The following VWA5A variants were observed in gnomAD, a reference collection of about 807,000 sequenced individuals.
VWA5A encodes von Willebrand factor A domain-containing protein 5A.
A neutral mutation model predicts 84.6 loss-of-function variants in VWA5A; 77 were observed. The observed-to-expected ratio is 0.91, with a 90% CI of 0.76 to 1.10. The LOEUF is 1.10. VWA5A is among the 50% of genes least tolerant of loss of function. VWA5A has a pLI of 0.00. For missense variants in VWA5A, 973 were observed against 963.0 expected, an observed-to-expected ratio of 1.01 and a Z score of -0.14; for synonymous variants, 334 against 350.1, an observed-to-expected ratio of 0.95 and a Z score of 0.51.
rs573492720 is a variant in VWA5A at position 124,126,411 on chromosome 11, G to T, written c.1244+2095G>T. On this transcript the variant is annotated intron_variant, in intron 11 of 18. Transcript: ENST00000456829. The stretch of plus-strand genomic sequence containing the variant: ...TTGGTCTTTTCTGATTTCTCGAAGT[G>T]TTTGTTTCCAACATTTTATTAAGAA... Among the ~76,000 whole-genome samples the T allele has an allele frequency of 2.6e-5, 4 of 152,256 alleles. No homozygotes were observed. The East Asian group carries it at 5.8e-4, about 22-fold the overall frequency.
intron 7 of VWA5A, among the ~76,000 whole-genome samples, chr11:124,120,375 C>T (rs1864912483): frequency 6.6e-6 from 1 of 152,176 alleles, no homozygotes; most frequent in African/African-American, 2.4e-5. Context: ...GAAGCATTTA[C>T]ACATGGTGGA....
At chr11:124,145,746 A>G in intron 18 of VWA5A, 120 bp from the exon 19 acceptor site, 1 of 1,049,598 alleles carries the variant, frequency 9.5e-7, no homozygotes, top group Non-Finnish European at 1.3e-6. Flanking sequence ...TAGCAAGAAA[A>G]GAAAAAGCAG....
chr11:124,145,767 G>C, intron 18 of VWA5A, 99 bp from the exon 19 acceptor site: 1 of 1,231,206 alleles, frequency 8.1e-7, no homozygotes, highest in Non-Finnish European at 1.1e-6. Context: ...GGATATTGAG[G>C]ACAGATAAAA....
chr11:124,121,391 A>G (rs550242544), intron 7 of VWA5A, among the ~76,000 whole-genome samples: 1 of 152,304 alleles, frequency 6.6e-6, no homozygotes, highest in African/African-American at 2.4e-5. Flanking sequence ...TGTTCAACTC[A>G]TGGTCTGTGG....
intron 17 of VWA5A, among the ~76,000 whole-genome samples, chr11:124,142,782 G>T (rs560954972): frequency 7.2e-5 from 11 of 151,876 alleles, no homozygotes; most frequent in South Asian, 4.2e-4. Context: ...AATTGATGGG[G>T]TTTTTTTTGC....
chr11:124,118,950 G>A, intron 6 of VWA5A, 25 bp from the exon 7 acceptor site: 1 of 1,608,194 alleles, frequency 6.2e-7, no homozygotes. Flanking sequence ...TTCTAATGTG[G>A]CTCCTTTACC....
At chr11:124,119,223 C>T (rs1441964321) in intron 7 of VWA5A, 134 bp downstream of exon 7, 1 of 794,240 alleles carries the variant, frequency 1.3e-6, no homozygotes, top group Non-Finnish European at 2.0e-6. Context: ...ATAGTTTACA[C>T]TATGTCATGC....
intron 11 of VWA5A, among the ~76,000 whole-genome samples, chr11:124,129,644 C>A (rs138901521): frequency 0.013 from 2,045 of 152,252 alleles, 47 homozygotes; most frequent in African/African-American, 0.046. Context: ...TTAATTACTG[C>A]CTCAATTTCG....
At chr11:124,142,111 A>G (rs1860741120) in intron 16 of VWA5A, among the ~76,000 whole-genome samples, 1 of 152,132 alleles carries the variant, frequency 6.6e-6, no homozygotes, top group Non-Finnish European at 1.5e-5. Flanking sequence ...AGGATATCAT[A>G]TAGGACCTTG....
At position 124,136,110 on chromosome 11, in the gene VWA5A, G is replaced by T; in HGVS notation, c.1360-19G>T. The T allele has an allele frequency of 6.2e-7, 1 of 1,611,662 alleles. No homozygotes were observed. The highest frequency in any genetic ancestry group is 1.3e-5 in the African/African-American group (1 of 74,986). On this transcript the variant is annotated intron_variant, in intron 12 of 18. Transcript: ENST00000456829. ...TGTCTGTATCATTTGTGTTTATTCT[G>T]TTCTCTTCCCCACATTAGGCTCTCA...
chr11:124,141,772 C>A, intron 16 of VWA5A, 31 bp downstream of exon 16: 1 of 1,608,442 alleles, frequency 6.2e-7, no homozygotes, highest in Non-Finnish European at 8.5e-7. Context: ...ATTTTCTCAA[C>A]AATGTTTTTC....
At chr11:124,144,444 C>T (rs1414155397) in intron 17 of VWA5A, among the ~76,000 whole-genome samples, 2 of 152,142 alleles carry the variant, frequency 1.3e-5, no homozygotes, top group African/African-American at 4.8e-5. Context: ...AAAATCATTA[C>T]GCTGTTTGTT....
chr11:124,139,782 CTTT>C (rs1423661418), intron 15 of VWA5A, among the ~76,000 whole-genome samples: 7 of 151,748 alleles, frequency 4.6e-5, no homozygotes, highest in South Asian at 2.1e-4. Flanking sequence ...AATCTAGATT[CTTT>C]TTATTTATTT....
At chr11:124,141,963 G>A (rs185751129) in intron 16 of VWA5A, among the ~76,000 whole-genome samples, 173 of 152,224 alleles carry the variant, frequency 1.1e-3, no homozygotes, top group Non-Finnish European at 1.5e-3. Context: ...AATCTATAGG[G>A]ACTGACAAAC....
rs1221142930 is a variant in VWA5A, at chr11:124,134,943, A to G, written c.1268A>G (p.Glu423Gly). 6.2e-7 allele frequency: 1 copy of G among 1,613,052 alleles called. No individual in the cohort carries two copies. Among genetic ancestry groups the G allele is most frequent in the Admixed American group, 1.7e-5 (1 of 59,902 alleles). The part of the protein sequence containing the change: ...KHRCFSFGIG[E>G]GTSTSLIKGI... ...AGGTGTTTCTCATTTGGTATTGGAG[A>G]AGGCACCTCCACCAGCCTAATAAAA... is the stretch of plus-strand genomic sequence containing the variant. Residue 423 changes from glutamate (E) to glycine (G), a missense_variant, in exon 12 of 19, where the codon GAA (glutamate) becomes GGA (glycine). Coordinates refer to ENST00000456829, the MANE Select transcript of VWA5A (RefSeq NM_001130142.2).
chr11:124,137,342 A>G (rs1465197633), intron 15 of VWA5A, 74 bp downstream of exon 15: 1 of 1,531,948 alleles, frequency 6.5e-7, no homozygotes, highest in African/African-American at 1.4e-5. Context: ...ATTTAAAGGA[A>G]AGGGCTGTGA....
At chr11:124,136,751 TC>T (rs1312001383) in intron 14 of VWA5A, 77 bp downstream of exon 14, 105 of 528,588 alleles carry the variant, frequency 2.0e-4, no homozygotes, top group Middle Eastern at 1.5e-3. Context: ...CTTCCTTCAT[TC>T]CCTCCCTCCC....
chr11:124,142,304 T>G, intron 16 of VWA5A, 138 bp from the exon 17 acceptor site: 1 of 1,186,702 alleles, frequency 8.4e-7, no homozygotes, highest in Non-Finnish European at 1.2e-6. Context: ...ACCGATCTTC[T>G]GGATGTTGTC....
chr11:124,131,608 G>A (rs117184720), intron 11 of VWA5A, among the ~76,000 whole-genome samples: 4,448 of 151,788 alleles, frequency 0.029, 105 homozygotes, highest in Admixed American at 0.064. Flanking sequence ...TTTACTGGAT[G>A]TTTATTTCCA....
Sources: allele counts gnomAD v4.1 joint callset (sites outside exome capture counted in the v4.1 genomes callset), GRCh38; gene constraint gnomAD v4.1.1; transcripts MANE v1.5; gene names NCBI Gene and HGNC (gene_info 2026-07-23, HGNC 2026-07-21).